Variants in CSMD3 observed in about 807,000 individuals in gnomAD.
CSMD3 encodes the protein CUB and Sushi multiple domains 3, also known as CUB and sushi domain-containing protein 3.
In CSMD3, 177 loss-of-function variants were observed where a neutral mutation model predicts 435.2. That is an observed-to-expected ratio of 0.41 (90% CI 0.36 to 0.46). The LOEUF (loss-of-function observed/expected upper bound fraction) is 0.46, where lower values mean the gene tolerates loss of function less well. Ranked by LOEUF, CSMD3 falls within the 20% of genes least tolerant of loss-of-function variation. The pLI is 0.34. For synonymous variants in CSMD3, 1,656 were observed against 1,520.5 expected, an observed-to-expected ratio of 1.09 and a Z score of -2.07; for missense variants, 4,265 against 4,504.6, an observed-to-expected ratio of 0.95 and a Z score of 1.52.
chr8:112,881,732 G>C (rs909723871), intron 10 of CSMD3, among the ~76,000 whole-genome samples: 3 of 151,794 alleles, frequency 2.0e-5, no homozygotes, highest in Non-Finnish European at 2.9e-5. Flanking sequence ...ACAACAAGTA[G>C]AATATTCCCC....
intron 59 of CSMD3, among the ~76,000 whole-genome samples, chr8:112,277,515 T>C (rs899987286): frequency 1.4e-4 from 21 of 152,182 alleles, no homozygotes; most frequent in African/African-American, 5.1e-4. Flanking sequence ...CATTTTTCTG[T>C]CTTCTCCTGA....
chr8:112,517,669 CACTA>C (rs1216560647), intron 27 of CSMD3, among the ~76,000 whole-genome samples: 2 of 152,038 alleles, frequency 1.3e-5, no homozygotes, highest in African/African-American at 2.4e-5. Flanking sequence ...TGTTGAACAT[CACTA>C]ACTAATAGAG....
In CSMD3 at chr8:112,650,267, G is replaced by C. The variant is rs1413735995; in HGVS notation, c.3087C>G (p.Gly1029=). 1 of 1,613,584 alleles carries C rather than the reference G, an allele frequency of 6.2e-7. No individual in the cohort carries two copies. The highest frequency in any genetic ancestry group is 8.5e-7 in the Non-Finnish European group (1 of 1,179,714). ...AATCACAACTAAATGAAACAGTAGAGCCAATGGAGAAATCATGACCATAGC... is the reference window on the plus strand; with the variant it reads ...AATCACAACTAAATGAAACAGTAGACCCAATGGAGAAATCATGACCATAGC... The part of the protein sequence containing the change: ...GRRYGHDFSI[G]STVSFSCDSG... The change falls in exon 19 of 71, where the codon GGC becomes GGG. Residue 1029 remains glycine, a synonymous_variant. Coordinates refer to ENST00000297405, the MANE Select transcript of CSMD3 (RefSeq NM_198123.2).
Position 112,341,553 on chromosome 8 carries a change from G to A in CSMD3, c.6576C>T (p.Ser2192=), listed in dbSNP as rs2130991889. 1 of 1,613,260 alleles carries A rather than the reference G, an allele frequency of 6.2e-7. No homozygotes were observed. The highest frequency in any genetic ancestry group is 1.1e-5 in the South Asian group (1 of 91,062). Residue 2192 remains serine (S), a synonymous_variant, in exon 42 of 71, where the codon AGC becomes AGT. Transcript: ENST00000297405. ...SGPQIPSSLF[S]TTHETSLYFH... is the part of the protein sequence containing the mutation. ...AATATAAGCTGGTTTCATGGGTGGT[G>A]CTGAATAAGGAAGATGGTATTTGAG... is the stretch of plus-strand genomic sequence containing the variant.
Position 112,263,810 on chromosome 8 carries a change from C to G in CSMD3, c.9691G>C (p.Val3231Leu), listed in dbSNP as rs1332397050. 6.2e-7 allele frequency: 1 copy of G among 1,613,320 alleles called. No homozygotes were observed. Among genetic ancestry groups the G allele is most frequent in the Non-Finnish European group, 8.5e-7 (1 of 1,179,348 alleles). The change falls in exon 61 of 71, where the codon GTT (valine) becomes CTT (leucine). Residue 3231 changes from valine to leucine, a missense_variant and splice_region_variant. By Grantham distance (32) the Val-to-Leu change is conservative (BLOSUM62 1). Transcript: ENST00000297405. ...ATCTGGGGAGGAGTTGGGCAGGTAA[C>G]AGCTGCAATTACATTAAAAGTGATT... ...WSGVMPTCRA[V>L]TCPTPPQISN...
chr8:112,677,252 T>C (rs2075788666), intron 16 of CSMD3, among the ~76,000 whole-genome samples: 1 of 151,466 alleles, frequency 6.6e-6, no homozygotes, highest in Non-Finnish European at 1.5e-5. Context: ...GAGGACTGTG[T>C]GTGTGTAAGC....
At chr8:113,225,543 G>A (rs1236038677) in intron 3 of CSMD3, among the ~76,000 whole-genome samples, 2 of 151,418 alleles carry the variant, frequency 1.3e-5, no homozygotes, top group African/African-American at 2.4e-5. Flanking sequence ...ACTTATAAGT[G>A]GGGGCTAAAT....
At chr8:112,349,970 A>C (rs1825998340) in intron 40 of CSMD3, among the ~76,000 whole-genome samples, 1 of 152,120 alleles carries the variant, frequency 6.6e-6, no homozygotes, top group Non-Finnish European at 1.5e-5. Context: ...AAATGAGGTC[A>C]TAAGAGGAGG....
At chr8:113,394,885 G>A (rs953360426) in intron 1 of CSMD3, among the ~76,000 whole-genome samples, 1 of 152,170 alleles carries the variant, frequency 6.6e-6, no homozygotes, top group African/African-American at 2.4e-5. Flanking sequence ...AGCCTAAGAT[G>A]TGATTTTGAG....
intron 31 of CSMD3, among the ~76,000 whole-genome samples, chr8:112,482,228 T>C (rs1196687988): frequency 6.6e-6 from 1 of 152,196 alleles, no homozygotes; most frequent in Non-Finnish European, 1.5e-5. Context: ...GAAAGAGTCA[T>C]TCTATGACAA....
intron 32 of CSMD3, among the ~76,000 whole-genome samples, chr8:112,470,258 C>T (rs184539727): frequency 6.6e-5 from 10 of 152,112 alleles, no homozygotes; most frequent in African/African-American, 2.2e-4. Context: ...ATTTTTAAGA[C>T]CTTAGTTCAA....
chr8:112,288,648 A>G (rs981758594), intron 57 of CSMD3, among the ~76,000 whole-genome samples: 5 of 152,062 alleles, frequency 3.3e-5, no homozygotes, highest in African/African-American at 9.7e-5. Flanking sequence ...GTTGATGGGT[A>G]AAAATAAATA....
chr8:112,258,286 T>G (rs1816004977), intron 61 of CSMD3, among the ~76,000 whole-genome samples: 1 of 152,212 alleles, frequency 6.6e-6, no homozygotes, highest in Non-Finnish European at 1.5e-5. Flanking sequence ...AAATGGGATC[T>G]AATTAAACTG....
chr8:113,297,591 C>A (rs184419381), intron 2 of CSMD3, among the ~76,000 whole-genome samples: 2 of 151,998 alleles, frequency 1.3e-5, no homozygotes, highest in East Asian at 3.9e-4. Flanking sequence ...CATTTCTGAT[C>A]CACTCATTAG....
intron 3 of CSMD3, among the ~76,000 whole-genome samples, chr8:113,175,335 T>G (rs926811067): frequency 6.6e-6 from 1 of 151,822 alleles, no homozygotes; most frequent in African/African-American, 2.4e-5. Flanking sequence ...AGAAAAAATA[T>G]TTACTTTGAG....
chr8:113,279,751 T>C (rs2093599247), intron 2 of CSMD3, among the ~76,000 whole-genome samples: 1 of 151,820 alleles, frequency 6.6e-6, no homozygotes, highest in South Asian at 2.1e-4. Context: ...CTTCTTGTAA[T>C]ACGTTGTATA....
intron 53 of CSMD3, 78 bp from the exon 54 acceptor site, chr8:112,296,084 G>A (rs1489681162): frequency 1.7e-5 from 20 of 1,159,308 alleles, no homozygotes; most frequent in Non-Finnish European, 2.4e-5. Context: ...TGGAACATGA[G>A]CAAACCTTTA....
chr8:113,239,279 T>C (rs773982765), intron 3 of CSMD3, among the ~76,000 whole-genome samples: 20 of 152,062 alleles, frequency 1.3e-4, no homozygotes, highest in East Asian at 3.9e-4. Context: ...TCCATAATCA[T>C]GTGAGCCAAT....
At chr8:113,152,015 G>C (rs2091817660) in intron 4 of CSMD3, among the ~76,000 whole-genome samples, 1 of 151,888 alleles carries the variant, frequency 6.6e-6, no homozygotes, top group Non-Finnish European at 1.5e-5. Flanking sequence ...TTTACATGGG[G>C]GTTTTTAGAG....
Sources: gnomAD v4.1 joint callset for allele counts (sites outside exome capture counted in the v4.1 genomes callset) on GRCh38, gnomAD v4.1.1 for gene constraint, MANE v1.5 for transcripts, NCBI Gene and HGNC (gene_info 2026-07-23, HGNC 2026-07-21) for gene names.